PEAK1: variants seen among roughly 807,000 people sequenced by gnomAD.
PEAK1 encodes inactive tyrosine-protein kinase PEAK1.
In PEAK1, 54 loss-of-function variants were observed where a neutral mutation model predicts 124.7. That is an observed-to-expected ratio of 0.43 (90% CI 0.35 to 0.54). PEAK1 has a LOEUF of 0.54. Ranked by LOEUF, PEAK1 falls within the 20% of genes least tolerant of loss-of-function variation. The pLI, the probability that PEAK1 is intolerant of heterozygous loss-of-function variation, is 0.01. For synonymous variants in PEAK1, 719 were observed against 760.0 expected (o/e 0.95, Z 0.89); for missense variants, 2,046 against 2,134.5 (o/e 0.96, Z 0.82).
At chr15:77,223,483 T>C (rs1010668451) in intron 6 of PEAK1, among the ~76,000 whole-genome samples, 1 of 152,054 alleles carries the variant, frequency 6.6e-6, no homozygotes, top group Non-Finnish European at 1.5e-5. Flanking sequence ...TTAACTATCA[T>C]AGCAAGCAAT....
chr15:77,216,680 G>C (rs1207558217), intron 6 of PEAK1, among the ~76,000 whole-genome samples: 3 of 152,160 alleles, frequency 2.0e-5, no homozygotes, highest in Admixed American at 1.3e-4. Context: ...TGCCCTAATT[G>C]AAAAGGACTC....
intron 1 of PEAK1, among the ~76,000 whole-genome samples, chr15:77,384,795 GTTTTA>G (rs2069786718): frequency 6.6e-6 from 1 of 152,134 alleles, no homozygotes; most frequent in Non-Finnish European, 1.5e-5. Flanking sequence ...CCTAAATAAA[GTTTTA>G]TTTTAATAGT....
chr15:77,259,810 G>C (rs1413553493), intron 5 of PEAK1, among the ~76,000 whole-genome samples: 1 of 152,160 alleles, frequency 6.6e-6, no homozygotes, highest in African/African-American at 2.4e-5. Flanking sequence ...TACCACTTCA[G>C]TAGAGGGAGG....
chr15:77,366,815 G>T (rs112942690), intron 1 of PEAK1, among the ~76,000 whole-genome samples: 2 of 152,020 alleles, frequency 1.3e-5, no homozygotes, highest in Non-Finnish European at 2.9e-5. Flanking sequence ...ACATGCCTCA[G>T]CCTCCCAAAG....
intron 2 of PEAK1, among the ~76,000 whole-genome samples, chr15:77,325,450 T>A (rs977132869): frequency 4.5e-5 from 6 of 134,596 alleles, no homozygotes; most frequent in Non-Finnish European, 8.4e-5. Flanking sequence ...AATAAATAAA[T>A]AAAATAATTA....
intron 7 of PEAK1, among the ~76,000 whole-genome samples, chr15:77,162,122 T>G (rs758222143): frequency 3.3e-5 from 5 of 151,808 alleles, no homozygotes; most frequent in Non-Finnish European, 7.4e-5. Context: ...ATAAACAACA[T>G]AAACAGACAA....
intron 6 of PEAK1, among the ~76,000 whole-genome samples, chr15:77,190,996 A>G (rs1486567784): frequency 2.0e-5 from 3 of 152,248 alleles, no homozygotes; most frequent in Admixed American, 2.0e-4. Flanking sequence ...ATAAGCATAA[A>G]GAATTTATAC....
At chr15:77,367,083 G>A (rs749064693) in intron 1 of PEAK1, among the ~76,000 whole-genome samples, 4 of 152,272 alleles carry the variant, frequency 2.6e-5, no homozygotes, top group East Asian at 1.9e-4. Context: ...GCAGTGAGCC[G>A]AGATCATGCC....
chr15:77,227,157 T>C (rs368758126), intron 6 of PEAK1, among the ~76,000 whole-genome samples: 2 of 152,224 alleles, frequency 1.3e-5, no homozygotes, highest in Admixed American at 6.5e-5. Flanking sequence ...GGAAGAGAAC[T>C]TGTATTTATT....
downstream of PEAK1, chr15:77,103,987 A>G (rs1395390143): frequency 6.6e-6 from 1 of 152,186 alleles, no homozygotes. Context: ...ATCAGGAAGC[A>G]CTCCTTGGCT....
intron 6 of PEAK1, among the ~76,000 whole-genome samples, chr15:77,221,383 G>C (rs2059384700): frequency 6.6e-6 from 1 of 152,056 alleles, no homozygotes; most frequent in Middle Eastern, 3.2e-3. Context: ...GCATTAACCA[G>C]GTTTTATATT....
intron 1 of PEAK1, chr15:77,418,660 T>C (rs941056384): frequency 1.0e-6 from 1 of 985,424 alleles, no homozygotes; most frequent in Non-Finnish European, 1.2e-6. Flanking sequence ...AATTGAGCTA[T>C]CTAGAAATGC....
intron 6 of PEAK1, among the ~76,000 whole-genome samples, chr15:77,211,903 A>G (rs1264634353): frequency 6.6e-6 from 1 of 151,092 alleles, no homozygotes; most frequent in African/African-American, 2.4e-5. Flanking sequence ...CATAATTTAT[A>G]TTCAAAATTT....
chr15:77,143,470 G>A (rs550581672), intron 8 of PEAK1, among the ~76,000 whole-genome samples: 1 of 152,244 alleles, frequency 6.6e-6, no homozygotes, highest in Admixed American at 6.5e-5. Context: ...CCTAAAGATC[G>A]TCTTCAAGCA....
At chr15:77,298,862 C>T (rs866679027) in intron 2 of PEAK1, among the ~76,000 whole-genome samples, 11 of 152,154 alleles carry the variant, frequency 7.2e-5, no homozygotes, top group Non-Finnish European at 1.5e-4. Context: ...CAGGGCCTAG[C>T]GGTAGCTAAA....
intron 7 of PEAK1, among the ~76,000 whole-genome samples, chr15:77,172,542 T>A (rs1459657598): frequency 3.3e-5 from 5 of 152,340 alleles, no homozygotes; most frequent in African/African-American, 1.2e-4. Context: ...CAGATTTGAA[T>A]AACCACAGTT....
At chr15:77,325,778 G>A (rs891308219) in intron 2 of PEAK1, among the ~76,000 whole-genome samples, 1 of 152,054 alleles carries the variant, frequency 6.6e-6, no homozygotes, top group Admixed American at 6.6e-5. Context: ...ATCCAGCTGT[G>A]CCATACCCAC....
chr15:77,348,441 A>C, intron 2 of PEAK1: 1 of 936,884 alleles, frequency 1.1e-6, no homozygotes, highest in South Asian at 4.9e-5. Flanking sequence ...TTTTTTAAAA[A>C]GAAAAAATAA....
chr15:77,420,138 G>C (rs2073263971), upstream of PEAK1: 1 of 150,672 alleles, frequency 6.6e-6, no homozygotes, highest in African/African-American at 2.4e-5. Context: ...CCGCGGCCGA[G>C]TCCACCGCGC....
Sources: allele counts gnomAD v4.1 joint callset (sites outside exome capture counted in the v4.1 genomes callset), GRCh38; gene constraint gnomAD v4.1.1; transcripts MANE v1.5; gene names NCBI Gene and HGNC (gene_info 2026-07-23, HGNC 2026-07-21).